PAM: variants seen among roughly 807,000 people sequenced by gnomAD.
The protein encoded by PAM is peptidylglycine alpha-amidating monooxygenase.
Under a neutral mutation model 122.1 loss-of-function variants are expected in PAM, and 72 were observed. The ratio of observed to expected loss-of-function variants is 0.59; its 90% confidence interval spans 0.49 to 0.72. The LOEUF (loss-of-function observed/expected upper bound fraction) is 0.72. Among genes scored for constraint, PAM ranks in the 30% least tolerant of loss-of-function variants. PAM has a pLI of 0.00. For synonymous variants in PAM, 389 were observed against 404.4 expected (o/e 0.96, Z 0.46); for missense variants, 1,106 against 1,183.7 (o/e 0.93, Z 0.96).
rs116665684 is a variant in PAM, at chr5:102,900,265, C to T, written c.211-1091C>T. 8.9e-4 allele frequency among the ~76,000 whole-genome samples: 20 copies of T among 22,500 alleles called. 1 individual carries two copies. Among genetic ancestry groups the T allele is most frequent in the African/African-American group, 2.6e-3 (18 of 6,918 alleles). The allele number at this position is 22,500 out of a possible 152,430, so 14.8% of individuals were successfully genotyped here. A position where few individuals can be genotyped will look rare whatever the true frequency, so the allele number is the denominator to read the frequency against. On this transcript the variant is annotated intron_variant, in intron 3 of 25. Transcript: ENST00000438793. ...TTAATGTGTGTGTGTGGGGGGGGGG[C>T]GGGGGGAAGAGGGTAGACAAAATCA...
intron 1 of PAM, among the ~76,000 whole-genome samples, chr5:102,796,850 G>A (rs921362941): frequency 6.6e-6 from 1 of 152,070 alleles, no homozygotes; most frequent in African/African-American, 2.4e-5. Flanking sequence ...TCATAAAGTC[G>A]TTACATGGAT....
chr5:102,767,010 TTGTC>T (rs1026932750), intron 1 of PAM, among the ~76,000 whole-genome samples: 1 of 149,588 alleles, frequency 6.7e-6, no homozygotes, highest in African/African-American at 2.5e-5. Flanking sequence ...TTTCTTTTCT[TTGTC>T]TGTAAAATCT....
chr5:103,004,006 G>A (rs1778197395), intron 17 of PAM, among the ~76,000 whole-genome samples: 1 of 152,064 alleles, frequency 6.6e-6, no homozygotes, highest in African/African-American at 2.4e-5. Context: ...AGAAGTGAGG[G>A]AGGCACTTGC....
At chr5:102,968,379 G>T (rs1330295511) in intron 14 of PAM, among the ~76,000 whole-genome samples, 1 of 152,126 alleles carries the variant, frequency 6.6e-6, no homozygotes, top group Admixed American at 6.6e-5. Flanking sequence ...TACCAGCTGT[G>T]CAGGTTAGTA....
intron 1 of PAM, among the ~76,000 whole-genome samples, chr5:102,776,753 C>T (rs1757275831): frequency 6.6e-6 from 1 of 151,910 alleles, no homozygotes; most frequent in Admixed American, 6.6e-5. Flanking sequence ...TCTCTGGAAC[C>T]CTTTTTATAG....
At chr5:102,885,093 A>G (rs902401207) in intron 3 of PAM, among the ~76,000 whole-genome samples, 1 of 150,888 alleles carries the variant, frequency 6.6e-6, no homozygotes, top group Non-Finnish European at 1.5e-5. Flanking sequence ...ATATATATAT[A>G]TAACTATAAA....
rs750684891 is a variant in PAM, at chr5:103,007,439, C to T, written c.2015-18C>T. 6 of 1,603,330 alleles carry T rather than the reference C, an allele frequency of 3.7e-6. No individual in the cohort carries two copies. Among genetic ancestry groups the T allele is most frequent in the Admixed American group, 1.7e-5 (1 of 59,624 alleles). ...GATTTTTAACATTGTGTATCTAAGGCTTTTTTTTGTTCTGCAGAGTCTTCA... is the reference window on the plus strand; with the variant it reads ...GATTTTTAACATTGTGTATCTAAGGTTTTTTTTTGTTCTGCAGAGTCTTCA... On this transcript the variant is annotated intron_variant, in intron 19 of 25. Coordinates refer to ENST00000438793, the MANE Select transcript of PAM (RefSeq NM_001177306.2).
chr5:102,826,742 T>C (rs980014896), intron 1 of PAM, among the ~76,000 whole-genome samples: 11 of 152,150 alleles, frequency 7.2e-5, no homozygotes, highest in African/African-American at 1.4e-4. Context: ...GGTCTTACAG[T>C]GTAACTGCCA....
At chr5:102,810,796 C>G (rs2150190307) in intron 1 of PAM, among the ~76,000 whole-genome samples, 1 of 152,192 alleles carries the variant, frequency 6.6e-6, no homozygotes, top group South Asian at 2.1e-4. Context: ...CCATTGCATT[C>G]CAGCCTGGGC....
chr5:102,942,733 C>G (rs1755696755), intron 7 of PAM, among the ~76,000 whole-genome samples: 1 of 102,716 alleles, frequency 9.7e-6, no homozygotes, highest in South Asian at 2.7e-4. Context: ...GCATGCCCGG[C>G]TAATTTTTTT....
intron 1 of PAM, among the ~76,000 whole-genome samples, chr5:102,845,584 T>TG (rs1779761390): frequency 2.0e-5 from 3 of 152,222 alleles, no homozygotes; most frequent in Non-Finnish European, 4.4e-5. Context: ...TTTAAATATT[T>TG]GGGGATTCGA....
chr5:102,838,834 C>T (rs1777778974), intron 1 of PAM, among the ~76,000 whole-genome samples: 2 of 152,080 alleles, frequency 1.3e-5, no homozygotes, highest in Admixed American at 1.3e-4. Flanking sequence ...TCTGGTTTTT[C>T]ACCTTTAAAT....
intron 1 of PAM, among the ~76,000 whole-genome samples, chr5:102,855,295 T>C (rs1355038919): frequency 1.3e-5 from 2 of 152,202 alleles, no homozygotes; most frequent in Non-Finnish European, 2.9e-5. Flanking sequence ...TATATGATTA[T>C]AGATTTCACT....
chr5:102,974,132 A>G lies in PAM; in HGVS notation c.1179A>G (p.Leu393=), dbSNP rs757820873. 6.2e-6 allele frequency: 10 copies of G among 1,612,664 alleles called. No individual in the cohort carries two copies. Among genetic ancestry groups the G allele is most frequent in the Non-Finnish European group, 8.5e-6 (10 of 1,178,928 alleles). ...EVLDQGDFYS[L]LSKLLGERED... is the part of the protein sequence containing the mutation. ...TTTCCACAGGTGATTTCTATTCACTACTTTCCAAGCTGCTAGGAGAAAGGG... is the reference window on the plus strand; with the variant it reads ...TTTCCACAGGTGATTTCTATTCACTGCTTTCCAAGCTGCTAGGAGAAAGGG... Residue 393 remains leucine (L), a synonymous_variant, in exon 15 of 26, where the codon CTA becomes CTG. Transcript: ENST00000438793.
intron 1 of PAM, among the ~76,000 whole-genome samples, chr5:102,855,462 GA>G (rs1226003765): frequency 6.6e-6 from 1 of 152,136 alleles, no homozygotes; most frequent in Non-Finnish European, 1.5e-5. Context: ...TGCTATGAGA[GA>G]AAACACTTCT....
At chr5:102,804,061 G>T (rs1218957238) in intron 1 of PAM, among the ~76,000 whole-genome samples, 1 of 152,152 alleles carries the variant, frequency 6.6e-6, no homozygotes, top group East Asian at 1.9e-4. Flanking sequence ...GATAGATGTG[G>T]AATTCCAGGA....
intron 1 of PAM, among the ~76,000 whole-genome samples, chr5:102,760,923 A>G (rs75230256): frequency 0.029 from 4,370 of 152,322 alleles, 110 homozygotes; most frequent in East Asian, 0.13. Context: ...ACATATAAAC[A>G]GCGTTACTCA....
intron 1 of PAM, among the ~76,000 whole-genome samples, chr5:102,852,300 T>C (rs1403951895): frequency 6.6e-6 from 1 of 152,166 alleles, no homozygotes; most frequent in Non-Finnish European, 1.5e-5. Context: ...ATTTTACAGG[T>C]TTTGACAATG....
intron 1 of PAM, among the ~76,000 whole-genome samples, chr5:102,799,628 C>T (rs934492862): frequency 3.3e-5 from 5 of 152,098 alleles, no homozygotes; most frequent in Non-Finnish European, 5.9e-5. Flanking sequence ...GGGTAATGAA[C>T]AAAAACTGCC....
Sources: allele counts gnomAD v4.1 joint callset (sites outside exome capture counted in the v4.1 genomes callset), GRCh38; gene constraint gnomAD v4.1.1; transcripts MANE v1.5; gene names NCBI Gene and HGNC (gene_info 2026-07-23, HGNC 2026-07-21).